The following FOXN3 variants were observed in gnomAD, a reference collection of about 807,000 sequenced individuals.
FOXN3 encodes the protein forkhead box N3.
A neutral mutation model predicts 38.4 loss-of-function variants in FOXN3; 7 were observed. The ratio of observed to expected loss-of-function variants is 0.18; its 90% CI spans 0.10 to 0.34. FOXN3 has a LOEUF of 0.34. FOXN3 is among the 10% of genes least tolerant of loss of function. The pLI is 1.00. For synonymous variants in FOXN3, 230 were observed against 242.2 expected, an observed-to-expected ratio of 0.95 and a Z score of 0.47; for missense variants, 456 against 613.4, an observed-to-expected ratio of 0.74 and a Z score of 2.71.
At position 89,243,867 on chromosome 14, in the gene FOXN3, G is replaced by A. The variant is rs534171013; in HGVS notation, c.745+37083C>T. On this transcript the variant is annotated intron_variant, in intron 4 of 5. Coordinates refer to ENST00000557258, the MANE Select transcript of FOXN3 (RefSeq NM_005197.4). ...CTAAACATAGCTGCGTCTGCATCGC[G>A]CCCGCCAATGAAACCACATAAGCCC... Among the ~76,000 whole-genome samples the A allele has an allele frequency of 4.6e-5, 7 of 152,238 alleles. No homozygotes were observed. The South Asian group carries it at 1.5e-3, about 32-fold the overall frequency.
At chr14:89,313,957 G>A (rs540976322) in intron 3 of FOXN3, among the ~76,000 whole-genome samples, 1 of 152,212 alleles carries the variant, frequency 6.6e-6, no homozygotes, top group East Asian at 1.9e-4. Flanking sequence ...ACAGAAAGTA[G>A]AATGGTGGTT....
intron 1 of FOXN3, among the ~76,000 whole-genome samples, chr14:89,587,940 T>G (rs553298998): frequency 9.3e-5 from 14 of 150,066 alleles, no homozygotes; most frequent in Non-Finnish European, 1.6e-4. Flanking sequence ...AATGGGCATA[T>G]GGGGGCTTTT....
At chr14:89,253,962 A>G (rs1054287715) in intron 4 of FOXN3, among the ~76,000 whole-genome samples, 1 of 152,110 alleles carries the variant, frequency 6.6e-6, no homozygotes, top group Non-Finnish European at 1.5e-5. Flanking sequence ...CAAACCACCC[A>G]GCACGATCCC....
intron 3 of FOXN3, among the ~76,000 whole-genome samples, chr14:89,311,782 C>T (rs545494911): frequency 2.6e-5 from 4 of 152,096 alleles, no homozygotes; most frequent in African/African-American, 2.4e-5. Flanking sequence ...GTTGAGATCA[C>T]GCCACTGCAC....
chr14:89,472,995 C>T (rs1235558724), intron 1 of FOXN3, among the ~76,000 whole-genome samples: 14 of 151,946 alleles, frequency 9.2e-5, no homozygotes, highest in African/African-American at 2.9e-4. Context: ...CATTGCCCAC[C>T]AATGGAGGAG....
chr14:89,443,444 G>A (rs1004852445), intron 1 of FOXN3, among the ~76,000 whole-genome samples: 1 of 152,110 alleles, frequency 6.6e-6, no homozygotes, highest in Admixed American at 6.6e-5. Flanking sequence ...ATGTGATAAG[G>A]GAAACTGAGC....
intron 1 of FOXN3, among the ~76,000 whole-genome samples, chr14:89,607,514 A>G (rs419553): frequency 0.89 from 134,541 of 150,494 alleles, 62,031 homozygotes; most frequent in East Asian, 1. Flanking sequence ...AGCCGAGATT[A>G]CCCCACTGCA....
chr14:89,304,428 T>A (rs368557812), intron 3 of FOXN3, among the ~76,000 whole-genome samples: 104 of 152,276 alleles, frequency 6.8e-4, no homozygotes, highest in African/African-American at 2.4e-3. Context: ...ATGTGAGATT[T>A]CTGACTATGG....
intron 3 of FOXN3, among the ~76,000 whole-genome samples, chr14:89,321,845 A>T (rs1362590754): frequency 6.6e-6 from 1 of 151,822 alleles, no homozygotes; most frequent in African/African-American, 2.4e-5. Context: ...ACACAACTAC[A>T]GATCAACTTA....
intron 1 of FOXN3, among the ~76,000 whole-genome samples, chr14:89,428,671 G>C (rs1892093934): frequency 6.6e-6 from 1 of 152,234 alleles, no homozygotes; most frequent in Non-Finnish European, 1.5e-5. Flanking sequence ...AACAATATGG[G>C]TCCCGGAGGG....
chr14:89,209,061 T>C (rs1489901533), intron 4 of FOXN3, among the ~76,000 whole-genome samples: 2 of 152,228 alleles, frequency 1.3e-5, no homozygotes, highest in Non-Finnish European at 2.9e-5. Flanking sequence ...TCCACGGATA[T>C]TTGGAAGAAT....
At chr14:89,190,944 G>GTT (rs1254436262) in intron 4 of FOXN3, among the ~76,000 whole-genome samples, 2 of 152,046 alleles carry the variant, frequency 1.3e-5, no homozygotes, top group Non-Finnish European at 2.9e-5. Context: ...GTTTCACGAG[G>GTT]TTATGTGTTT....
At chr14:89,483,597 G>A (rs1007658186) in intron 1 of FOXN3, among the ~76,000 whole-genome samples, 5 of 152,068 alleles carry the variant, frequency 3.3e-5, no homozygotes, top group South Asian at 2.1e-4. Context: ...TTGTAGAGAC[G>A]GGGTTTCACC....
chr14:89,245,886 A>C (rs1885280598), intron 4 of FOXN3, among the ~76,000 whole-genome samples: 1 of 151,964 alleles, frequency 6.6e-6, no homozygotes, highest in Non-Finnish European at 1.5e-5. Context: ...CCCAGACCCC[A>C]ACCCGCAGCC....
intron 3 of FOXN3, chr14:89,290,435 C>A (rs905868024): frequency 2.4e-5 from 9 of 376,306 alleles, no homozygotes; most frequent in African/African-American, 1.5e-4. Flanking sequence ...TGGAGTTGGT[C>A]ATTTCCCCAA....
intron 1 of FOXN3, among the ~76,000 whole-genome samples, chr14:89,438,305 A>G (rs1892311935): frequency 6.6e-6 from 1 of 152,262 alleles, no homozygotes; most frequent in Non-Finnish European, 1.5e-5. Flanking sequence ...AAGATGAGTC[A>G]TTGTACAAGA....
intron 2 of FOXN3, among the ~76,000 whole-genome samples, chr14:89,393,007 A>G (rs1890997696): frequency 6.6e-6 from 1 of 152,078 alleles, no homozygotes; most frequent in African/African-American, 2.4e-5. Context: ...GGGTTTCACC[A>G]TATTGGCCAG....
chr14:89,607,850 T>C (rs1172086003), intron 1 of FOXN3, among the ~76,000 whole-genome samples: 3 of 151,870 alleles, frequency 2.0e-5, no homozygotes, highest in Non-Finnish European at 4.4e-5. Flanking sequence ...AGAGTGTCAC[T>C]CTGTTGCCCA....
chr14:89,190,969 G>A (rs1887926589), intron 4 of FOXN3, among the ~76,000 whole-genome samples: 1 of 152,116 alleles, frequency 6.6e-6, no homozygotes, highest in South Asian at 2.1e-4. Flanking sequence ...CAGTGGTGTG[G>A]ATGTGGTGAA....
Sources: gnomAD v4.1 joint callset for allele counts (sites outside exome capture counted in the v4.1 genomes callset) on GRCh38, gnomAD v4.1.1 for gene constraint, MANE v1.5 for transcripts, NCBI Gene and HGNC (gene_info 2026-07-23, HGNC 2026-07-21) for gene names.